Variants in KCNK13 observed in about 807,000 individuals in gnomAD.
KCNK13 encodes the protein potassium two pore domain channel subfamily K member 13.
In KCNK13, 12 loss-of-function variants were observed where a neutral mutation model predicts 23.4. That is an observed-to-expected ratio of 0.51 (90% confidence interval 0.33 to 0.83). The LOEUF is 0.83. KCNK13 is among the 40% of genes least tolerant of loss of function. KCNK13 has a pLI of 0.02. For missense variants in KCNK13, 463 were observed against 556.3 expected, an observed-to-expected ratio of 0.83 and a Z score of 1.69; for synonymous variants, 231 against 229.5, an observed-to-expected ratio of 1.01 and a Z score of -0.06.
chr14:90,107,339 G>A (rs544149072), intron 1 of KCNK13, among the ~76,000 whole-genome samples: 6 of 152,104 alleles, frequency 3.9e-5, no homozygotes, highest in South Asian at 2.1e-4. Flanking sequence ...TTAGCCAGGC[G>A]TGGTGGCGGG....
intron 1 of KCNK13, among the ~76,000 whole-genome samples, chr14:90,068,555 G>A (rs1015032416): frequency 2.0e-5 from 3 of 152,270 alleles, no homozygotes; most frequent in East Asian, 3.9e-4. Context: ...AGTGAACCAT[G>A]ATCATGCCAC....
At chr14:90,108,585 A>G (rs1224337057) in intron 1 of KCNK13, among the ~76,000 whole-genome samples, 2 of 152,058 alleles carry the variant, frequency 1.3e-5, no homozygotes, top group Admixed American at 1.3e-4. Context: ...CACAGATCTC[A>G]TAGGAAATGT....
intron 1 of KCNK13, among the ~76,000 whole-genome samples, chr14:90,154,320 C>CT (rs754878243): frequency 1.1e-4 from 16 of 149,722 alleles, no homozygotes; most frequent in Non-Finnish European, 2.1e-4. Flanking sequence ...ACCTGCTCTC[C>CT]TACCCACAAT....
At chr14:90,092,097 AT>A (rs777644349) in intron 1 of KCNK13, among the ~76,000 whole-genome samples, 11 of 151,418 alleles carry the variant, frequency 7.3e-5, no homozygotes, top group East Asian at 5.9e-4. Context: ...AATTTTTTTT[AT>A]TTTTTAGTAG....
At chr14:90,151,761 CTTAATGT>C (rs1890136213) in intron 1 of KCNK13, among the ~76,000 whole-genome samples, 1 of 152,124 alleles carries the variant, frequency 6.6e-6, no homozygotes, top group South Asian at 2.1e-4. Flanking sequence ...AGTTTCAGGT[CTTAATGT>C]TTAAGTCTTC....
chr14:90,110,381 A>T (rs1889600881), intron 1 of KCNK13, among the ~76,000 whole-genome samples: 1 of 151,750 alleles, frequency 6.6e-6, no homozygotes. Context: ...ACGTGGTGGC[A>T]GGCACCTGTA....
intron 1 of KCNK13, among the ~76,000 whole-genome samples, chr14:90,110,499 A>G (rs80270799): frequency 2.7e-4 from 39 of 146,556 alleles, no homozygotes; most frequent in Admixed American, 8.1e-4. Context: ...AAAAAAAAAA[A>G]GCATCTGATT....
At chr14:90,112,365 A>G (rs989699887) in intron 1 of KCNK13, among the ~76,000 whole-genome samples, 3 of 152,192 alleles carry the variant, frequency 2.0e-5, no homozygotes, top group Admixed American at 1.3e-4. Context: ...ACAAACATCA[A>G]AAAGAACTGG....
chr14:90,077,062 G>A (rs201624685), intron 1 of KCNK13, among the ~76,000 whole-genome samples: 8 of 144,060 alleles, frequency 5.6e-5, no homozygotes, highest in Admixed American at 1.4e-4. Context: ...CTCGTGATCC[G>A]CCCGCCTCAG....
intron 1 of KCNK13, among the ~76,000 whole-genome samples, chr14:90,181,046 A>G (rs1873942998): frequency 6.6e-6 from 1 of 152,092 alleles, no homozygotes; most frequent in African/African-American, 2.4e-5. Context: ...TAGTGGAGAC[A>G]GGGTTTCACC....
At chr14:90,112,159 T>A (rs145619970) in intron 1 of KCNK13, among the ~76,000 whole-genome samples, 1 of 152,224 alleles carries the variant, frequency 6.6e-6, no homozygotes, top group Non-Finnish European at 1.5e-5. Context: ...TCTTACCTTT[T>A]TCTCACATTC....
intron 1 of KCNK13, among the ~76,000 whole-genome samples, chr14:90,101,744 C>T (rs1196992375): frequency 7.4e-6 from 1 of 135,664 alleles, no homozygotes; most frequent in Non-Finnish European, 1.5e-5. Flanking sequence ...GAGCTAAGAT[C>T]GTACCACTGC....
chr14:90,101,077 C>T (rs566587583), intron 1 of KCNK13, among the ~76,000 whole-genome samples: 4 of 152,226 alleles, frequency 2.6e-5, no homozygotes, highest in South Asian at 2.1e-4. Flanking sequence ...TTATGTCATT[C>T]GAGGTACTTC....
In KCNK13 at chr14:90,062,570, C is replaced by G; in HGVS notation, c.334+31C>G. 1 of 1,420,202 alleles carries G rather than the reference C, an allele frequency of 7.0e-7. No individual in the cohort carries two copies. Among genetic ancestry groups the G allele is most frequent in the Non-Finnish European group, 9.3e-7 (1 of 1,078,598 alleles). The allele number at this position is 1,420,202 out of a possible 1,614,324, so 88.0% of individuals were successfully genotyped here. A position where few individuals can be genotyped will look rare whatever the true frequency, so the allele number is the denominator to read the frequency against. On this transcript the variant is annotated intron_variant, in intron 1 of 1. Transcript: ENST00000282146. The surrounding 1 kb of genome is among the most constrained non-coding windows in gnomAD (Gnocchi z 4.5). ...TGTGCTGGCCGGACTCGCTGACAACCTCCGGGCGGCCTCCACTTCCTCCGG... is the reference window on the plus strand; with the variant it reads ...TGTGCTGGCCGGACTCGCTGACAACGTCCGGGCGGCCTCCACTTCCTCCGG...
At chr14:90,108,341 A>G (rs1165532858) in intron 1 of KCNK13, among the ~76,000 whole-genome samples, 1 of 152,078 alleles carries the variant, frequency 6.6e-6, no homozygotes, top group Non-Finnish European at 1.5e-5. Context: ...TTTTTCAACT[A>G]TGTTTCTACA....
chr14:90,136,825 A>G (rs577287626), intron 1 of KCNK13, among the ~76,000 whole-genome samples: 2 of 152,174 alleles, frequency 1.3e-5, no homozygotes, highest in Non-Finnish European at 2.9e-5. Flanking sequence ...GAGAGGGTCA[A>G]ATACAGACCC....
intron 1 of KCNK13, among the ~76,000 whole-genome samples, chr14:90,176,037 G>C (rs1002788571): frequency 6.6e-6 from 1 of 152,136 alleles, no homozygotes; most frequent in Non-Finnish European, 1.5e-5. Context: ...CAAGTCTCAG[G>C]GTCATCCAAG....
intron 1 of KCNK13, among the ~76,000 whole-genome samples, chr14:90,147,892 C>T (rs1461130734): frequency 2.0e-5 from 3 of 152,096 alleles, no homozygotes; most frequent in South Asian, 2.1e-4. Flanking sequence ...TTATAGGAGC[C>T]GGGCATGGTG....
At chr14:90,090,475 A>G (rs1889331860) in intron 1 of KCNK13, among the ~76,000 whole-genome samples, 8 of 152,218 alleles carry the variant, frequency 5.3e-5, no homozygotes, top group Admixed American at 5.2e-4. Context: ...TTACAGGCTT[A>G]TAGGCAGAAG....
Sources: gnomAD v4.1 joint callset for allele counts (sites outside exome capture counted in the v4.1 genomes callset) on GRCh38, gnomAD v4.1.1 for gene constraint, Gnocchi (gnomAD v3.1) non-coding constraint, MANE v1.5 for transcripts, NCBI Gene and HGNC (gene_info 2026-07-23, HGNC 2026-07-21) for gene names.